The following DIAPH2 variants were observed in gnomAD, a reference collection of about 807,000 sequenced individuals.
DIAPH2 encodes diaphanous related formin 2, also known as protein diaphanous homolog 2.
In DIAPH2, 35 loss-of-function variants were observed where a neutral mutation model predicts 92.7. The observed-to-expected ratio is 0.38, with a 90% CI of 0.29 to 0.50. The LOEUF is 0.50. DIAPH2 is among the 20% of genes least tolerant of loss of function. DIAPH2 has a pLI of 0.94. For synonymous variants in DIAPH2, 301 were observed against 280.4 expected (o/e 1.07, Z -0.73); for missense variants, 701 against 819.5 (o/e 0.86, Z 1.77).
At chrX:96,977,889 G>A (rs1178290663) in intron 17 of DIAPH2, among the ~76,000 whole-genome samples, 2 of 111,322 alleles carry the variant, frequency 1.8e-5, no homozygotes, top group Non-Finnish European at 3.8e-5. Context: ...TCGCCATGTT[G>A]GCCAGGCTGG....
intron 22 of DIAPH2, among the ~76,000 whole-genome samples, chrX:97,149,367 AT>A (rs1252372704): frequency 9.0e-6 from 1 of 111,711 alleles, no homozygotes; most frequent in Non-Finnish European, 1.9e-5. Flanking sequence ...AAAACTGAGT[AT>A]ACATATTACT....
At chrX:96,869,144 C>G (rs1277187934) in intron 4 of DIAPH2, among the ~76,000 whole-genome samples, 5 of 110,880 alleles carry the variant, frequency 4.5e-5, no homozygotes. Context: ...TAAATGCCCT[C>G]ATTTTTGGGG....
intron 17 of DIAPH2, among the ~76,000 whole-genome samples, chrX:97,020,083 C>G (rs994257543): frequency 8.9e-6 from 1 of 112,695 alleles, no homozygotes; most frequent in East Asian, 2.8e-4. Context: ...CTTGGCTATG[C>G]AGTGCTGCAG....
chrX:97,282,362 TGGCTCACTGCAACCTC>T (rs1219696869), intron 23 of DIAPH2, among the ~76,000 whole-genome samples: 1 of 111,791 alleles, frequency 8.9e-6, no homozygotes, highest in African/African-American at 3.2e-5. Context: ...GGCGCGAAAT[TGGCTCACTGCAACCTC>T]GGCTCACTGC....
intron 4 of DIAPH2, among the ~76,000 whole-genome samples, chrX:96,797,656 C>T (rs1038418107): frequency 9.0e-6 from 1 of 111,511 alleles, no homozygotes; most frequent in Non-Finnish European, 1.9e-5. Flanking sequence ...AGGTGCCACA[C>T]ACTTTAAAAA....
intron 26 of DIAPH2, among the ~76,000 whole-genome samples, chrX:97,559,045 C>T (rs1046004844): frequency 8.9e-6 from 1 of 112,022 alleles, no homozygotes; most frequent in African/African-American, 3.2e-5. Flanking sequence ...TTTATCAGGG[C>T]GTAACCCCAT....
chrX:96,995,372 A>G (rs1016275831), intron 17 of DIAPH2, among the ~76,000 whole-genome samples: 1 of 111,679 alleles, frequency 9.0e-6, no homozygotes, highest in African/African-American at 3.3e-5. Context: ...GTTAAGAGAA[A>G]GAAAGAATGA....
At chrX:97,395,610 C>A (rs951918357) in intron 25 of DIAPH2, among the ~76,000 whole-genome samples, 2 of 111,290 alleles carry the variant, frequency 1.8e-5, no homozygotes, top group Non-Finnish European at 3.8e-5. Flanking sequence ...AGCCACTTAT[C>A]ACTAGTAATT....
chrX:96,946,294 T>C (rs907832578), intron 14 of DIAPH2, among the ~76,000 whole-genome samples: 1 of 111,729 alleles, frequency 9.0e-6, no homozygotes, highest in Non-Finnish European at 1.9e-5. Context: ...GTTTCTCTTT[T>C]TTTGTTCTAG....
At chrX:96,793,315 T>G (rs2064514111) in intron 4 of DIAPH2, among the ~76,000 whole-genome samples, 1 of 111,640 alleles carries the variant, frequency 9.0e-6, no homozygotes, top group South Asian at 3.8e-4. Flanking sequence ...ATTACGGGCA[T>G]GCGCCACCAC....
chrX:97,316,381 C>T (rs1024044933), intron 23 of DIAPH2, among the ~76,000 whole-genome samples: 1 of 108,866 alleles, frequency 9.2e-6, no homozygotes, highest in Non-Finnish European at 1.9e-5. Context: ...GTGGCTCAGG[C>T]CTGTAATCCC....
chrX:97,434,053 T>C (rs2070155160), intron 26 of DIAPH2, among the ~76,000 whole-genome samples: 1 of 111,654 alleles, frequency 9.0e-6, no homozygotes, highest in Non-Finnish European at 1.9e-5. Context: ...GCAAGAAAGT[T>C]CAAAGCATTT....
chrX:96,991,526 C>T (rs2066070823), intron 17 of DIAPH2, among the ~76,000 whole-genome samples: 1 of 80,083 alleles, frequency 1.2e-5, no homozygotes, highest in African/African-American at 4.7e-5. Context: ...ACCAAGGTAT[C>T]CTGTTTTATG....
Position 96,822,064 on chromosome X carries a change from A to AT in DIAPH2, c.448-59504dup, listed in dbSNP as rs369791693. Among the ~76,000 whole-genome samples, 168 of 103,841 alleles carry AT rather than the reference A, an allele frequency of 1.6e-3. 1 individual carries two copies. Among genetic ancestry groups the AT allele is most frequent in the Middle Eastern group, 4.9e-3 (1 of 205 alleles). 90.2% of individuals were successfully genotyped at this position (103,841 alleles called of 115,157 possible). A position where few individuals can be genotyped will look rare whatever the true frequency, so the allele number is the denominator to read the frequency against. On this transcript the variant is annotated intron_variant, in intron 4 of 26. Transcript: ENST00000324765. ...TAAAGACATACCTGCCAGGTTGTGG[A>AT]TTTTTTTTTTTGTCTTGACTTTTTG... is the stretch of plus-strand genomic sequence containing the variant.
At chrX:97,545,955 A>T (rs140081907) in intron 26 of DIAPH2, among the ~76,000 whole-genome samples, 2,744 of 111,222 alleles carry the variant, frequency 0.025, 28 homozygotes, top group Middle Eastern at 0.037. Context: ...GGAAGGGTAT[A>T]GTTCTTTCTC....
intron 4 of DIAPH2, among the ~76,000 whole-genome samples, chrX:96,829,695 A>T (rs1342464610): frequency 9.1e-6 from 1 of 110,488 alleles, no homozygotes; most frequent in Non-Finnish European, 1.9e-5. Flanking sequence ...TGGTTTCACC[A>T]TGTTGGCCAG....
At chrX:97,211,788 G>A (rs754009459) in intron 22 of DIAPH2, among the ~76,000 whole-genome samples, 1 of 111,890 alleles carries the variant, frequency 8.9e-6, no homozygotes, top group Admixed American at 9.6e-5. Context: ...CTGAAAATCA[G>A]TAGTGTCATC....
chrX:97,011,316 G>A (rs947036050), intron 17 of DIAPH2, among the ~76,000 whole-genome samples: 1 of 111,638 alleles, frequency 9.0e-6, no homozygotes, highest in Non-Finnish European at 1.9e-5. Flanking sequence ...CGCTTCATTT[G>A]TTCATCAGCC....
chrX:97,570,115 T>TAGA (rs2071358093), intron 26 of DIAPH2, among the ~76,000 whole-genome samples: 16 of 29,042 alleles, frequency 5.5e-4, no homozygotes, highest in African/African-American at 1.5e-3. Context: ...TATATATATA[T>TAGA]ATATATATTA....
Sources: allele counts gnomAD v4.1 joint callset (sites outside exome capture counted in the v4.1 genomes callset), GRCh38; gene constraint gnomAD v4.1.1; transcripts MANE v1.5; gene names NCBI Gene and HGNC (gene_info 2026-07-23, HGNC 2026-07-21).